The following SAMD12 variants were observed in gnomAD, a reference collection of about 807,000 sequenced individuals.
The protein encoded by SAMD12 is sterile alpha motif domain-containing protein 12.
A neutral mutation model predicts 15.0 loss-of-function variants in SAMD12; 9 were observed. The observed-to-expected ratio is 0.60, with a 90% CI of 0.36 to 1.05. The LOEUF (loss-of-function observed/expected upper bound fraction) is 1.05, where lower values mean the gene tolerates loss of function less well. SAMD12 is among the 50% of genes least tolerant of loss of function. The pLI, the probability that SAMD12 is intolerant of heterozygous loss-of-function variation, is 0.01. For synonymous variants in SAMD12, 86 were observed against 90.1 expected (o/e 0.96, Z 0.25); for missense variants, 230 against 234.2 (o/e 0.98, Z 0.12).
At chr8:118,194,794 G>C (rs1342427884) in exon 5 of SAMD12, 2 of 152,158 alleles carry the variant, frequency 1.3e-5, no homozygotes, top group African/African-American at 4.8e-5. Context: ...TTAACCATGG[G>C]AGATCACAGA....
chr8:118,371,115 T>C (rs1370233461), intron 4 of SAMD12, among the ~76,000 whole-genome samples: 1 of 152,146 alleles, frequency 6.6e-6, no homozygotes, highest in Non-Finnish European at 1.5e-5. Flanking sequence ...ATTCCCATTT[T>C]TATAATGAAG....
chr8:118,337,559 T>G (rs1455984559), intron 4 of SAMD12, among the ~76,000 whole-genome samples: 2 of 152,194 alleles, frequency 1.3e-5, no homozygotes, highest in African/African-American at 4.8e-5. Flanking sequence ...AAACGATTCA[T>G]AAGTTTTAAG....
At chr8:118,396,683 A>T (rs1820586889) in intron 3 of SAMD12, among the ~76,000 whole-genome samples, 1 of 152,240 alleles carries the variant, frequency 6.6e-6, no homozygotes, top group African/African-American at 2.4e-5. Context: ...GACAAGAACC[A>T]TGCTACTTCT....
In SAMD12 at chr8:118,379,559, C is replaced by T; in HGVS notation, c.464G>A (p.Gly155Asp). 1 of 1,613,948 alleles carries T rather than the reference C, an allele frequency of 6.2e-7. No individual in the cohort carries two copies. The highest frequency in any genetic ancestry group is 8.5e-7 in the Non-Finnish European group (1 of 1,179,900). Residue 155 changes from glycine to aspartate, a missense_variant, in exon 4 of 4, where the codon GGT (glycine) becomes GAT (aspartate). Transcript: ENST00000314727. ...EVRNLQLLTQ[G>D]TLLLPDGWMD... ...CCACCCATCAGGAAGCAATAGGGTA[C>T]CTTGTGTGAGTAACTGTAGATTTCT...
At chr8:118,601,066 A>T (rs1479021824) in intron 1 of SAMD12, among the ~76,000 whole-genome samples, 1 of 152,218 alleles carries the variant, frequency 6.6e-6, no homozygotes, top group Admixed American at 6.5e-5. Flanking sequence ...CTGCTATGCA[A>T]AACCAAAAAC....
chr8:118,402,809 C>T (rs1001462443), intron 3 of SAMD12, among the ~76,000 whole-genome samples: 4 of 152,186 alleles, frequency 2.6e-5, no homozygotes, highest in Non-Finnish European at 5.9e-5. Context: ...TATTAAGCAT[C>T]TTCAGATTCT....
intron 1 of SAMD12, among the ~76,000 whole-genome samples, chr8:118,615,316 G>C (rs1205930422): frequency 2.6e-5 from 4 of 152,178 alleles, no homozygotes; most frequent in East Asian, 1.9e-4. Flanking sequence ...GACCTCCCAC[G>C]TCATGGTGCT....
the SAMD12 span, among the ~76,000 whole-genome samples, chr8:118,170,056 A>C: frequency 2.0e-5 from 3 of 152,188 alleles, no homozygotes; most frequent in Admixed American, 6.5e-5. Flanking sequence ...ATTTGTTATT[A>C]GGCAATATCT....
At chr8:118,249,651 T>C (rs1457660068) in intron 4 of SAMD12, among the ~76,000 whole-genome samples, 1 of 152,148 alleles carries the variant, frequency 6.6e-6, no homozygotes, top group African/African-American at 2.4e-5. Flanking sequence ...TTTTAGAAAG[T>C]AAGAAAGGTA....
chr8:118,203,817 T>G (rs1819782515), intron 4 of SAMD12, among the ~76,000 whole-genome samples: 1 of 147,478 alleles, frequency 6.8e-6, no homozygotes, highest in African/African-American at 2.5e-5. Flanking sequence ...CACCTATGAG[T>G]GAGAACATGC....
rs527257210 is a variant in SAMD12, at chr8:118,369,733, A to C, written c.433+9827T>G. On this transcript the variant is annotated intron_variant, in intron 4 of 4. Coordinates refer to the SAMD12 transcript ENST00000409003. Reference sequence around the variant, plus strand: ...TCTGTCTCAAAAAAAATAAAATATAAAAAACCCACAAAAACAAAAACAAAA... The same window carrying C: ...TCTGTCTCAAAAAAAATAAAATATACAAAACCCACAAAAACAAAAACAAAA... 5.3e-5 allele frequency among the ~76,000 whole-genome samples: 8 copies of C among 152,124 alleles called. No homozygotes were observed. In the East Asian group the frequency reaches 1.5e-3, roughly 29 times the overall value.
intron 1 of SAMD12, among the ~76,000 whole-genome samples, chr8:118,608,420 C>T (rs1828030690): frequency 6.6e-6 from 1 of 152,064 alleles, no homozygotes; most frequent in East Asian, 1.9e-4. Flanking sequence ...TAGCAGTCAT[C>T]CTTTTCTTAC....
intron 4 of SAMD12, among the ~76,000 whole-genome samples, chr8:118,278,122 T>C (rs932405674): frequency 1.3e-5 from 2 of 152,228 alleles, no homozygotes; most frequent in African/African-American, 4.8e-5. Context: ...TTTCATTAAT[T>C]GTCATTTTTA....
At chr8:118,190,782 C>A (rs1015931695) in exon 5 of SAMD12, 5 of 152,166 alleles carry the variant, frequency 3.3e-5, no homozygotes, top group Admixed American at 2.6e-4. Flanking sequence ...ACAGAGAGCA[C>A]CCCATACTGA....
intron 2 of SAMD12, among the ~76,000 whole-genome samples, chr8:118,554,868 G>T (rs1286137094): frequency 6.6e-6 from 1 of 152,070 alleles, no homozygotes; most frequent in Admixed American, 6.5e-5. Context: ...CAGCATGCCT[G>T]TCCTATGAAT....
intron 2 of SAMD12, among the ~76,000 whole-genome samples, chr8:118,514,138 C>A (rs1459525861): frequency 6.6e-6 from 1 of 152,090 alleles, no homozygotes; most frequent in Non-Finnish European, 1.5e-5. Flanking sequence ...ATGAGATCAG[C>A]AACCCTCCCC....
At chr8:118,431,541 C>T (rs1266842019) in intron 3 of SAMD12, among the ~76,000 whole-genome samples, 2 of 151,566 alleles carry the variant, frequency 1.3e-5, no homozygotes, top group Non-Finnish European at 2.9e-5. Context: ...TTGTTTCAAC[C>T]CTTTAAAGTT....
chr8:118,298,680 T>A (rs903343876), intron 4 of SAMD12, among the ~76,000 whole-genome samples: 1 of 152,188 alleles, frequency 6.6e-6, no homozygotes, highest in Admixed American at 6.5e-5. Context: ...GATTTAGGCA[T>A]AGAGATGTTC....
At chr8:118,242,018 T>C (rs1277237789) in intron 4 of SAMD12, among the ~76,000 whole-genome samples, 1 of 152,094 alleles carries the variant, frequency 6.6e-6, no homozygotes, top group Non-Finnish European at 1.5e-5. Flanking sequence ...GCTCAGGTTA[T>C]CCTCCCACCT....
Sources: allele counts gnomAD v4.1 joint callset (sites outside exome capture counted in the v4.1 genomes callset), GRCh38; gene constraint gnomAD v4.1.1; transcripts MANE v1.5; gene names NCBI Gene and HGNC (gene_info 2026-07-23, HGNC 2026-07-21).